Variants in LRBA observed in about 807,000 individuals in gnomAD.
LRBA encodes lipopolysaccharide-responsive and beige-like anchor protein.
A neutral mutation model predicts 330.0 loss-of-function variants in LRBA; 176 were observed. The ratio of observed to expected loss-of-function variants is 0.53; its 90% CI spans 0.47 to 0.60. The LOEUF is 0.60. Among genes scored for constraint, LRBA ranks in the 20% least tolerant of loss-of-function variants. LRBA has a pLI of 0.00. For missense variants in LRBA, 3,259 were observed against 3,444.8 expected, an observed-to-expected ratio of 0.95 and a Z score of 1.35; for synonymous variants, 1,230 against 1,193.0, an observed-to-expected ratio of 1.03 and a Z score of -0.64.
intron 2 of LRBA, among the ~76,000 whole-genome samples, chr4:150,976,326 A>G (rs1018686151): frequency 6.6e-6 from 1 of 152,180 alleles, no homozygotes; most frequent in Non-Finnish European, 1.5e-5. Context: ...CTAACAGAAG[A>G]GCTGTCCCCC....
chr4:150,321,112 T>G lies in LRBA; in HGVS notation c.7630+79A>C. On this transcript the variant is annotated intron_variant, in intron 50 of 56. Transcript: ENST00000651943. This position sits in a 1 kb window ranked among gnomAD's most constrained non-coding sequence, Gnocchi z 4.5. ...TGCTTGAAAATTAAAAGCTTAAATG[T>G]TGAGATATGCTATATTTAAGTGGGT... 1 of 1,255,760 alleles carries G rather than the reference T, an allele frequency of 8.0e-7. No individual in the cohort carries two copies. Among genetic ancestry groups the G allele is most frequent in the Non-Finnish European group, 1.1e-6 (1 of 903,592 alleles). 77.8% of individuals were successfully genotyped at this position (1,255,760 alleles called of 1,614,324 possible).
intron 22 of LRBA, among the ~76,000 whole-genome samples, chr4:150,863,927 CTT>C (rs1464744459): frequency 6.6e-6 from 1 of 151,858 alleles, no homozygotes; most frequent in Non-Finnish European, 1.5e-5. Context: ...TCTCATGACA[CTT>C]TATTTATTTA....
Position 150,487,850 on chromosome 4 carries a change from T to A in LRBA, c.6449-16A>T. ...ATCACAGCAACTACAACAGATGATT[T>A]TTAAAAATTAGAACACAGTATAACT... is the stretch of plus-strand genomic sequence containing the variant. On this transcript the variant is annotated splice_polypyrimidine_tract_variant and intron_variant, in intron 41 of 56. Transcript: ENST00000651943. 1 of 1,459,078 alleles carries A rather than the reference T, an allele frequency of 6.9e-7. No homozygotes were observed. The highest frequency in any genetic ancestry group is 1.4e-5 in the African/African-American group (1 of 72,348). The allele number at this position is 1,459,078 out of a possible 1,614,324, so 90.4% of individuals were successfully genotyped here.
intron 34 of LRBA, among the ~76,000 whole-genome samples, chr4:150,791,953 C>T (rs1276896861): frequency 3.1e-5 from 4 of 129,872 alleles, no homozygotes; most frequent in African/African-American, 5.8e-5. Flanking sequence ...GGCATGAACC[C>T]GGGAGATGGA....
At chr4:150,910,035 T>C (rs1284766969) in intron 9 of LRBA, among the ~76,000 whole-genome samples, 1 of 152,170 alleles carries the variant, frequency 6.6e-6, no homozygotes, top group African/African-American at 2.4e-5. Flanking sequence ...AGTTACAGGA[T>C]TCATATATTC....
intron 40 of LRBA, among the ~76,000 whole-genome samples, chr4:150,525,961 A>G (rs1302287614): frequency 7.9e-5 from 12 of 152,274 alleles, no homozygotes; most frequent in Admixed American, 7.8e-4. Context: ...TACCGAGACC[A>G]ATCCTCACAG....
chr4:150,387,885 G>C (rs568689812), intron 47 of LRBA, among the ~76,000 whole-genome samples: 1 of 152,294 alleles, frequency 6.6e-6, no homozygotes, highest in South Asian at 2.1e-4. Flanking sequence ...ATTACAGGTA[G>C]AGTATAGAAG....
At chr4:150,730,187 C>T (rs1242686209) in intron 36 of LRBA, among the ~76,000 whole-genome samples, 1 of 152,112 alleles carries the variant, frequency 6.6e-6, no homozygotes, top group East Asian at 1.9e-4. Flanking sequence ...GCAAAGGAAA[C>T]AGTCAACAAA....
chr4:150,593,811 T>G (rs1773171971), intron 38 of LRBA, among the ~76,000 whole-genome samples: 1 of 152,106 alleles, frequency 6.6e-6, no homozygotes, highest in Non-Finnish European at 1.5e-5. Context: ...AGAAACCTCT[T>G]TAATCTGCAA....
chr4:150,833,484 G>T (rs1290576143), intron 28 of LRBA, among the ~76,000 whole-genome samples: 1 of 152,034 alleles, frequency 6.6e-6, no homozygotes, highest in African/African-American at 2.4e-5. Context: ...CAATAAAGTG[G>T]CTATCACAAT....
chr4:150,705,672 T>C (rs1347987792), intron 36 of LRBA, among the ~76,000 whole-genome samples: 1 of 152,026 alleles, frequency 6.6e-6, no homozygotes, highest in Non-Finnish European at 1.5e-5. Flanking sequence ...TATTGACATA[T>C]GTAACATCAA....
chr4:150,794,945 T>C (rs1313385913), intron 34 of LRBA, among the ~76,000 whole-genome samples: 1 of 152,128 alleles, frequency 6.6e-6, no homozygotes, highest in Non-Finnish European at 1.5e-5. Flanking sequence ...CTGTTGAGTA[T>C]CCGAAGGAAT....
intron 36 of LRBA, among the ~76,000 whole-genome samples, chr4:150,711,978 C>A (rs1354331251): frequency 6.6e-6 from 1 of 152,142 alleles, no homozygotes; most frequent in Non-Finnish European, 1.5e-5. Flanking sequence ...AAGAGCTCAT[C>A]ATTATATAAT....
intron 17 of LRBA, among the ~76,000 whole-genome samples, chr4:150,879,028 G>A (rs758667778): frequency 8.6e-5 from 13 of 151,676 alleles, no homozygotes; most frequent in Admixed American, 7.2e-4. Context: ...TTACAAAGCC[G>A]GCATCACCCT....
At chr4:150,285,625 TA>T (rs1189652705) in intron 54 of LRBA, among the ~76,000 whole-genome samples, 1 of 152,222 alleles carries the variant, frequency 6.6e-6, no homozygotes, top group Non-Finnish European at 1.5e-5. Flanking sequence ...AAAAACATCT[TA>T]AACTCCTTAG....
chr4:150,639,874 TAG>T, intron 37 of LRBA, among the ~76,000 whole-genome samples: 1 of 101,538 alleles, frequency 9.8e-6, no homozygotes, highest in Non-Finnish European at 2.0e-5. Flanking sequence ...TATATATATT[TAG>T]ATGGAGTTTC....
Position 150,943,661 on chromosome 4 carries a change from T to C in LRBA, c.217-14596A>G, listed in dbSNP as rs570477778. ...CTCAACCTGTTTGTTTTTTCACAGA[T>C]TTCCTTTTATGACTTATTGAAGTTA... is the stretch of plus-strand genomic sequence containing the variant. On this transcript the variant is annotated intron_variant, in intron 2 of 56. Transcript: ENST00000651943. Among the ~76,000 whole-genome samples the C allele has an allele frequency of 2.0e-5, 3 of 152,320 alleles. No individual in the cohort carries two copies. In the East Asian group the frequency reaches 5.8e-4, roughly 29 times the overall value.
At chr4:150,788,106 T>C (rs1345643877) in intron 34 of LRBA, among the ~76,000 whole-genome samples, 1 of 152,142 alleles carries the variant, frequency 6.6e-6, no homozygotes, top group East Asian at 1.9e-4. Context: ...AGAGTCTCAT[T>C]CTGTCACCCA....
chr4:150,894,917 G>GA (rs1245174208), intron 16 of LRBA, among the ~76,000 whole-genome samples: 2 of 151,926 alleles, frequency 1.3e-5, no homozygotes, highest in African/African-American at 4.8e-5. Context: ...TATTCAAGAG[G>GA]AAAAAATATC....
Sources: gnomAD v4.1 joint callset for allele counts (sites outside exome capture counted in the v4.1 genomes callset) on GRCh38, gnomAD v4.1.1 for gene constraint, Gnocchi (gnomAD v3.1) non-coding constraint, MANE v1.5 for transcripts, NCBI Gene and HGNC (gene_info 2026-07-23, HGNC 2026-07-21) for gene names.